The following PGCKA1 variants were observed in gnomAD, a reference collection of about 807,000 sequenced individuals.
PGCKA1 encodes the protein PDCD10 and GCKIII kinases-associated protein 1.
chr4:37,498,829 T>C, the PGCKA1 span, among the ~76,000 whole-genome samples: 1 of 152,174 alleles, frequency 6.6e-6, no homozygotes, highest in African/African-American at 2.4e-5. Flanking sequence ...CTCTCTTCCC[T>C]GATTGCTCTG....
the PGCKA1 span, among the ~76,000 whole-genome samples, chr4:37,534,723 G>T: frequency 6.6e-6 from 1 of 152,246 alleles, no homozygotes; most frequent in African/African-American, 2.4e-5. Flanking sequence ...GAAGGGGAGG[G>T]CAGCTCCCTT....
At chr4:37,566,842 A>C in the PGCKA1 span, among the ~76,000 whole-genome samples, 1 of 152,178 alleles carries the variant, frequency 6.6e-6, no homozygotes, top group Non-Finnish European at 1.5e-5. Flanking sequence ...TTGGCCTCCC[A>C]AAGTGCTGGG....
chr4:37,519,991 A>G, the PGCKA1 span, among the ~76,000 whole-genome samples: 1 of 152,176 alleles, frequency 6.6e-6, no homozygotes, highest in Non-Finnish European at 1.5e-5. Context: ...ATTTCATCAA[A>G]TGCTTTTTCA....
the PGCKA1 span, among the ~76,000 whole-genome samples, chr4:37,488,808 C>G: frequency 3.3e-5 from 5 of 152,168 alleles, no homozygotes; most frequent in African/African-American, 7.2e-5. Context: ...CTTCCATCTC[C>G]TATCAACATA....
the PGCKA1 span, among the ~76,000 whole-genome samples, chr4:37,538,067 TCACACA>T: frequency 6.7e-6 from 1 of 150,098 alleles, no homozygotes; most frequent in African/African-American, 2.5e-5. Flanking sequence ...CACAACCCTG[TCACACA>T]CACACACACA....
At chr4:37,523,280 G>T in the PGCKA1 span, among the ~76,000 whole-genome samples, 1 of 152,134 alleles carries the variant, frequency 6.6e-6, no homozygotes, top group Non-Finnish European at 1.5e-5. Context: ...TGAGTTCAGT[G>T]ACTCACAGTT....
chr4:37,538,133 T>C, the PGCKA1 span, among the ~76,000 whole-genome samples: 1 of 151,930 alleles, frequency 6.6e-6, no homozygotes, highest in Non-Finnish European at 1.5e-5. Context: ...GGTTTGAAAA[T>C]CTGTTGAGTG....
At chr4:37,582,856 C>T in the PGCKA1 span, among the ~76,000 whole-genome samples, 6 of 152,188 alleles carry the variant, frequency 3.9e-5, no homozygotes, top group Admixed American at 2.0e-4. Flanking sequence ...ATCCTGTCCT[C>T]CTCAAAATTT....
the PGCKA1 span, among the ~76,000 whole-genome samples, chr4:37,520,530 T>G: frequency 6.6e-6 from 1 of 152,242 alleles, no homozygotes; most frequent in Non-Finnish European, 1.5e-5. Flanking sequence ...TCCTCCAAAT[T>G]TTCCAATTGA....
chr4:37,533,011 G>A, the PGCKA1 span, among the ~76,000 whole-genome samples: 791 of 136,764 alleles, frequency 5.8e-3, 8 homozygotes, highest in South Asian at 0.082. Context: ...ATGTGGTGCA[G>A]TGTGTACTGC....
chr4:37,564,222 C>T, the PGCKA1 span, among the ~76,000 whole-genome samples: 67,451 of 145,456 alleles, frequency 0.46, 16,371 homozygotes, highest in South Asian at 0.54. Context: ...TGCAGTGAGC[C>T]AAGATGGCAC....
chr4:37,509,515 A>G, the PGCKA1 span, among the ~76,000 whole-genome samples: 2 of 151,060 alleles, frequency 1.3e-5, no homozygotes, highest in African/African-American at 4.9e-5. Context: ...CACTTCCCAG[A>G]TGATGGGTGG....
At chr4:37,583,121 A>G in the PGCKA1 span, among the ~76,000 whole-genome samples, 1 of 152,150 alleles carries the variant, frequency 6.6e-6, no homozygotes, top group Admixed American at 6.5e-5. Flanking sequence ...TAATTATTTT[A>G]ATATTCCAGT....
chr4:37,531,612 G>C, the PGCKA1 span, among the ~76,000 whole-genome samples: 1 of 151,738 alleles, frequency 6.6e-6, no homozygotes, highest in South Asian at 2.1e-4. Context: ...GATGAAGTAG[G>C]TCGGGCATGG....
the PGCKA1 span, among the ~76,000 whole-genome samples, chr4:37,537,624 A>T: frequency 6.6e-6 from 1 of 152,092 alleles, no homozygotes; most frequent in Non-Finnish European, 1.5e-5. Context: ...GTATTTGGAG[A>T]TAGTGTCAGG....
At chr4:37,534,288 G>T in the PGCKA1 span, among the ~76,000 whole-genome samples, 2 of 152,188 alleles carry the variant, frequency 1.3e-5, no homozygotes, top group African/African-American at 4.8e-5. Context: ...ACAAGAACCT[G>T]GGTCCAGGAA....
At chr4:37,510,459 G>A in the PGCKA1 span, among the ~76,000 whole-genome samples, 31 of 152,196 alleles carry the variant, frequency 2.0e-4, 1 homozygote, top group South Asian at 5.2e-3. Flanking sequence ...TTCCTAACTC[G>A]TACTGGTACC....
At chr4:37,462,377 C>T in the PGCKA1 span, among the ~76,000 whole-genome samples, 10 of 152,346 alleles carry the variant, frequency 6.6e-5, no homozygotes, top group Non-Finnish European at 1.2e-4. Context: ...ATCTGTCCAA[C>T]TAAAGCACTT....
chr4:37,486,292 G>A, the PGCKA1 span, among the ~76,000 whole-genome samples: 2 of 151,998 alleles, frequency 1.3e-5, no homozygotes, highest in East Asian at 1.9e-4. Flanking sequence ...TGGGTATCAG[G>A]AGCCATGGGG....
Sources: allele counts gnomAD v4.1 joint callset (sites outside exome capture counted in the v4.1 genomes callset), GRCh38; gene constraint gnomAD v4.1.1; transcripts MANE v1.5; gene names NCBI Gene and HGNC (gene_info 2026-07-23, HGNC 2026-07-21).